PDZRN3: variants seen among roughly 807,000 people sequenced by gnomAD.
The protein encoded by PDZRN3 is E3 ubiquitin-protein ligase PDZRN3.
Under a neutral mutation model 85.7 loss-of-function variants are expected in PDZRN3, and 38 were observed. The observed-to-expected ratio is 0.44, with a 90% confidence interval of 0.34 to 0.58. The LOEUF (loss-of-function observed/expected upper bound fraction) is 0.58. PDZRN3 is among the 20% of genes least tolerant of loss of function. PDZRN3 has a pLI of 0.01. For missense variants in PDZRN3, 1,629 were observed against 1,506.4 expected (o/e 1.08, Z -1.35); for synonymous variants, 759 against 638.0 (o/e 1.19, Z -2.86).
intron 3 of PDZRN3, among the ~76,000 whole-genome samples, chr3:73,444,068 T>C (rs951722924): frequency 6.6e-6 from 1 of 152,176 alleles, no homozygotes; most frequent in Non-Finnish European, 1.5e-5. Context: ...CAGCCTTTCC[T>C]ATCTGTCTCC....
chr3:73,432,693 A>C (rs1357495133), intron 3 of PDZRN3, among the ~76,000 whole-genome samples: 3 of 152,346 alleles, frequency 2.0e-5, no homozygotes, highest in Non-Finnish European at 4.4e-5. Context: ...TGGCTCTTTA[A>C]AAAATATATT....
chr3:73,433,882 C>T, intron 3 of PDZRN3: 1 of 1,432,970 alleles, frequency 7.0e-7, no homozygotes, highest in Non-Finnish European at 9.1e-7. Context: ...TCCCCCCTTC[C>T]ACGCTTCCCT....
intron 3 of PDZRN3, among the ~76,000 whole-genome samples, chr3:73,521,197 T>C (rs1704355082): frequency 1.3e-5 from 2 of 152,168 alleles, no homozygotes; most frequent in African/African-American, 4.8e-5. Flanking sequence ...AAACGGGTTG[T>C]TGTGCGTGCC....
At chr3:73,490,074 A>T (rs192841444) in intron 3 of PDZRN3, among the ~76,000 whole-genome samples, 1 of 152,352 alleles carries the variant, frequency 6.6e-6, no homozygotes, top group Non-Finnish European at 1.5e-5. Context: ...ACTGATTTTA[A>T]TTGGTACGAT....
chr3:73,404,523 T>C, intron 3 of PDZRN3, 128 bp from the exon 4 acceptor site: 1 of 969,318 alleles, frequency 1.0e-6, no homozygotes, highest in Non-Finnish European at 1.5e-6. Flanking sequence ...GTCAGAGAAC[T>C]TCAGTTCTCT....
intron 3 of PDZRN3, among the ~76,000 whole-genome samples, chr3:73,564,546 C>T (rs1299998889): frequency 8.2e-6 from 1 of 121,506 alleles, no homozygotes; most frequent in Non-Finnish European, 1.8e-5. Context: ...GTTGAAGAGG[C>T]AGGTCCAATT....
chr3:73,574,764 C>T (rs1315490369), intron 3 of PDZRN3, among the ~76,000 whole-genome samples: 3 of 152,212 alleles, frequency 2.0e-5, no homozygotes, highest in Admixed American at 2.0e-4. Flanking sequence ...AGCCAAAGGG[C>T]AGAAACCAGT....
rs191958950 is a variant in PDZRN3, at chr3:73,414,484, C to T, written c.919-10089G>A. On this transcript the variant is annotated intron_variant, in intron 3 of 9. Transcript: ENST00000263666. ...AAAGAAATAAAATTATGATGTGTAT[C>T]ACTTGATCAAAATTAATTTTGGCTC... Among the ~76,000 whole-genome samples, 474 of 152,054 alleles carry T rather than the reference C, an allele frequency of 3.1e-3. 5 individuals are homozygous for T. Among genetic ancestry groups the T allele is most frequent in the African/African-American group, 0.011 (457 of 41,452 alleles).
chr3:73,526,191 A>G (rs1345182052), intron 3 of PDZRN3, among the ~76,000 whole-genome samples: 1 of 152,188 alleles, frequency 6.6e-6, no homozygotes, highest in African/African-American at 2.4e-5. Flanking sequence ...AGCACTTAAT[A>G]CGCTCTCTGG....
intron 3 of PDZRN3, among the ~76,000 whole-genome samples, chr3:73,405,234 A>G (rs776081510): frequency 2.0e-5 from 3 of 152,208 alleles, no homozygotes; most frequent in Non-Finnish European, 2.9e-5. Context: ...GATTCTCCCA[A>G]ATGGTACAAT....
intron 3 of PDZRN3, among the ~76,000 whole-genome samples, chr3:73,450,713 G>A (rs1702840957): frequency 6.6e-6 from 1 of 152,166 alleles, no homozygotes; most frequent in African/African-American, 2.4e-5. Flanking sequence ...GCTAACTAGA[G>A]TAGGAAGAGG....
At chr3:73,558,329 A>G (rs1575735339) in intron 3 of PDZRN3, among the ~76,000 whole-genome samples, 1 of 152,352 alleles carries the variant, frequency 6.6e-6, no homozygotes. Flanking sequence ...GTACAGTGTG[A>G]TAAGTTTCTT....
intron 3 of PDZRN3, among the ~76,000 whole-genome samples, chr3:73,531,182 C>T (rs575148373): frequency 1.7e-3 from 233 of 136,088 alleles, no homozygotes; most frequent in African/African-American, 4.8e-3. Context: ...ACCCGGGAGG[C>T]GGAGCTTGCA....
chr3:73,572,672 A>G (rs1381405832), intron 3 of PDZRN3, among the ~76,000 whole-genome samples: 2 of 152,198 alleles, frequency 1.3e-5, no homozygotes, highest in Non-Finnish European at 2.9e-5. Context: ...ACAAAAAAGG[A>G]GCAGCACTGT....
chr3:73,525,558 G>A (rs921759676), intron 3 of PDZRN3, among the ~76,000 whole-genome samples: 2 of 152,174 alleles, frequency 1.3e-5, no homozygotes, highest in African/African-American at 2.4e-5. Flanking sequence ...CACTAAATCC[G>A]GAGAGAGAGC....
chr3:73,542,516 A>G (rs1575723552), intron 3 of PDZRN3, among the ~76,000 whole-genome samples: 1 of 152,036 alleles, frequency 6.6e-6, no homozygotes, highest in East Asian at 1.9e-4. Context: ...GCCCATATCT[A>G]TAATACCAGC....
intron 1 of PDZRN3, among the ~76,000 whole-genome samples, chr3:73,616,007 C>T (rs1003432962): frequency 6.6e-6 from 1 of 152,194 alleles, no homozygotes; most frequent in Non-Finnish European, 1.5e-5. Flanking sequence ...GAGATTAATG[C>T]TGTCCCAGGG....
chr3:73,478,545 TATAATAATAATGTAATA>T lies in PDZRN3; in HGVS notation c.919-74167_919-74151del, dbSNP rs1703502061. Among the ~76,000 whole-genome samples, 3 of 150,920 alleles carry T rather than the reference TATAATAATAATGTAATA, an allele frequency of 2.0e-5. No homozygotes were observed. In the South Asian group the frequency reaches 6.2e-4, roughly 31 times the overall value. The stretch of plus-strand genomic sequence containing the variant: ...ATTATATATTACAATGTAATAATAA[TATAATAATAATGTAATA>T]ATAATAATAATGTAGTAATAATAGC... On this transcript the variant is annotated intron_variant, in intron 3 of 9. Coordinates refer to ENST00000263666, the MANE Select transcript of PDZRN3 (RefSeq NM_015009.3).
intron 3 of PDZRN3, among the ~76,000 whole-genome samples, chr3:73,543,145 T>C (rs1472631133): frequency 6.6e-6 from 1 of 152,214 alleles, no homozygotes; most frequent in East Asian, 1.9e-4. Context: ...CCAAGTGTTA[T>C]TAGGAGTGGC....
Sources: gnomAD v4.1 joint callset for allele counts (sites outside exome capture counted in the v4.1 genomes callset) on GRCh38, gnomAD v4.1.1 for gene constraint, MANE v1.5 for transcripts, NCBI Gene and HGNC (gene_info 2026-07-23, HGNC 2026-07-21) for gene names.